PTGIS: variants seen among roughly 807,000 people sequenced by gnomAD.
PTGIS encodes the protein prostaglandin I2 synthase, also known as prostacyclin synthase.
Under a neutral mutation model 50.3 loss-of-function variants are expected in PTGIS, and 45 were observed. The observed-to-expected ratio is 0.90, with a 90% confidence interval of 0.70 to 1.15. The LOEUF is 1.15. PTGIS is among the 50% of genes most tolerant of loss of function. The probability of loss-of-function intolerance (pLI) is 0.00; values close to 1 mark genes in which losing one functional copy is unlikely to be tolerated. For missense variants in PTGIS, 668 were observed against 661.3 expected (o/e 1.01, Z -0.11); for synonymous variants, 260 against 267.7 (o/e 0.97, Z 0.28).
Position 49,510,625 on chromosome 20 carries a change from C to G in PTGIS, c.1358+403G>C, listed in dbSNP as rs113170351. Among the ~76,000 whole-genome samples the G allele has an allele frequency of 3.9e-3, 598 of 152,248 alleles. 6 individuals are homozygous for G. The highest frequency in any genetic ancestry group is 0.014 in the African/African-American group (565 of 41,538). On this transcript the variant is annotated intron_variant, in intron 9 of 9. Transcript: ENST00000244043. ...TTCAAGGGAGATAATTTATGAGGCT[C>G]TCGGCCCCACAGGTATTAAAATAAC...
At chr20:49,529,054 T>C (rs1981866275) in intron 5 of PTGIS, among the ~76,000 whole-genome samples, 1 of 152,166 alleles carries the variant, frequency 6.6e-6, no homozygotes, top group Non-Finnish European at 1.5e-5. Flanking sequence ...GATACACAAA[T>C]ATGGTGTGAA....
chr20:49,534,000 A>G (rs1345760519), intron 5 of PTGIS, among the ~76,000 whole-genome samples: 1 of 152,064 alleles, frequency 6.6e-6, no homozygotes, highest in East Asian at 1.9e-4. Context: ...AAATGTATGT[A>G]TATATAGTGA....
At chr20:49,523,167 T>C (rs1314009536) in intron 6 of PTGIS, among the ~76,000 whole-genome samples, 1 of 152,250 alleles carries the variant, frequency 6.6e-6, no homozygotes. Flanking sequence ...ACAGATTGTT[T>C]ATTAGATAAT....
chr20:49,553,175 T>C (rs1982552747), intron 1 of PTGIS, among the ~76,000 whole-genome samples: 1 of 152,122 alleles, frequency 6.6e-6, no homozygotes, highest in Non-Finnish European at 1.5e-5. Context: ...GTTATATATT[T>C]ATCTCTGCTA....
chr20:49,532,869 A>G (rs1011826815), intron 5 of PTGIS, among the ~76,000 whole-genome samples: 4 of 152,188 alleles, frequency 2.6e-5, no homozygotes, highest in African/African-American at 9.6e-5. Flanking sequence ...AGGATTCAGA[A>G]AGATCACACA....
chr20:49,535,383 A>G (rs1982042405), intron 5 of PTGIS, among the ~76,000 whole-genome samples: 1 of 152,256 alleles, frequency 6.6e-6, no homozygotes, highest in Admixed American at 6.5e-5. Context: ...ACCAGATGGT[A>G]GAACAGATAC....
chr20:49,509,391 C>T (rs1381994669), intron 9 of PTGIS, among the ~76,000 whole-genome samples: 1 of 152,228 alleles, frequency 6.6e-6, no homozygotes, highest in Admixed American at 6.5e-5. Flanking sequence ...TTTATTGGAA[C>T]ACTGTGCGCT....
chr20:49,546,991 GGA>G (rs1480877534), intron 3 of PTGIS, among the ~76,000 whole-genome samples: 4 of 152,230 alleles, frequency 2.6e-5, no homozygotes, highest in Non-Finnish European at 4.4e-5. Flanking sequence ...CAGCACTTTG[GGA>G]AGCTGAGGCG....
chr20:49,568,001 G>A (rs1367970483), intron 1 of PTGIS, 42 bp downstream of exon 1: 4 of 1,455,726 alleles, frequency 2.7e-6, no homozygotes, highest in Admixed American at 5.0e-5. Flanking sequence ...GGCGGGAGCC[G>A]CCCCCTTTGT....
chr20:49,560,810 G>A (rs971807009), intron 1 of PTGIS, among the ~76,000 whole-genome samples: 1 of 152,220 alleles, frequency 6.6e-6, no homozygotes, highest in Non-Finnish European at 1.5e-5. Flanking sequence ...AGACGTAGGC[G>A]ATGATGCTGG....
chr20:49,549,940 C>T, intron 2 of PTGIS, 126 bp downstream of exon 2: 6 of 1,508,232 alleles, frequency 4.0e-6, no homozygotes, highest in Non-Finnish European at 5.5e-6. Flanking sequence ...CTCGACCACT[C>T]AGATGGATGT....
At position 49,507,893 on chromosome 20, in the gene PTGIS, A is replaced by G. The variant is rs777834379; in HGVS notation, c.*27T>C. 3 of 1,607,968 alleles carry G rather than the reference A, an allele frequency of 1.9e-6. No homozygotes were observed. Among genetic ancestry groups the G allele is most frequent in the Non-Finnish European group, 2.5e-6 (3 of 1,179,956 alleles). On this transcript the variant is annotated 3_prime_UTR_variant, in exon 10 of 10. Coordinates refer to ENST00000244043, the MANE Select transcript of PTGIS (RefSeq NM_000961.4). ...GGCTGGGGCAGGCTGGGCAGAGGCG[A>G]GCACGTGGATCCATCTGCTCCCTGT...
Position 49,509,058 on chromosome 20 carries a change from T to G in PTGIS, c.1359-994A>C, listed in dbSNP as rs547205669. ...GAGGGCAGATGAGGAGAGAGGGGAGTTAACACTCTGGACAGATCTGGGCTG... is the reference window on the plus strand; with the variant it reads ...GAGGGCAGATGAGGAGAGAGGGGAGGTAACACTCTGGACAGATCTGGGCTG... On this transcript the variant is annotated intron_variant, in intron 9 of 9. Coordinates refer to ENST00000244043, the MANE Select transcript of PTGIS (RefSeq NM_000961.4). Among the ~76,000 whole-genome samples, 117 of 152,102 alleles carry G rather than the reference T, an allele frequency of 7.7e-4. 1 individual carries two copies. The highest frequency in any genetic ancestry group is 2.7e-3 in the African/African-American group (112 of 41,504).
At chr20:49,510,211 G>T (rs1568667282) in intron 9 of PTGIS, among the ~76,000 whole-genome samples, 2 of 152,024 alleles carry the variant, frequency 1.3e-5, no homozygotes, top group African/African-American at 4.8e-5. Flanking sequence ...ACACAGCAAG[G>T]TGATTTTAAG....
At chr20:49,517,186 G>A (rs1981505821) in intron 6 of PTGIS, among the ~76,000 whole-genome samples, 1 of 152,250 alleles carries the variant, frequency 6.6e-6, no homozygotes, top group Non-Finnish European at 1.5e-5. Flanking sequence ...CAGCACCTCA[G>A]GTCCAGCTGA....
chr20:49,553,726 A>G (rs1982563963), intron 1 of PTGIS, among the ~76,000 whole-genome samples: 1 of 151,890 alleles, frequency 6.6e-6, no homozygotes, highest in Non-Finnish European at 1.5e-5. Context: ...AATAAGAAGC[A>G]TGTAAAGAAA....
intron 3 of PTGIS, among the ~76,000 whole-genome samples, chr20:49,547,472 G>T (rs1370097131): frequency 6.6e-6 from 1 of 152,128 alleles, no homozygotes; most frequent in Non-Finnish European, 1.5e-5. Context: ...TTTTACAGAG[G>T]AGGAAACAGA....
At chr20:49,564,263 T>C (rs1331292220) in intron 1 of PTGIS, among the ~76,000 whole-genome samples, 1 of 152,212 alleles carries the variant, frequency 6.6e-6, no homozygotes, top group Admixed American at 6.5e-5. Context: ...TCTAATTTTT[T>C]TTTTTTGAGA....
intron 5 of PTGIS, among the ~76,000 whole-genome samples, chr20:49,524,797 C>A (rs117234571): frequency 0.011 from 1,695 of 152,206 alleles, 13 homozygotes; most frequent in Non-Finnish European, 0.015. Flanking sequence ...TTATTCACTA[C>A]AAGGAGAACA....
Sources: allele counts gnomAD v4.1 joint callset (sites outside exome capture counted in the v4.1 genomes callset), GRCh38; gene constraint gnomAD v4.1.1; transcripts MANE v1.5; gene names NCBI Gene and HGNC (gene_info 2026-07-23, HGNC 2026-07-21).